The following NCALD variants were observed in gnomAD, a reference collection of about 807,000 sequenced individuals.
NCALD encodes the protein neurocalcin-delta.
Under a neutral mutation model 18.6 loss-of-function variants are expected in NCALD, and 10 were observed. The observed-to-expected ratio is 0.54, with a 90% CI of 0.33 to 0.91. The LOEUF (loss-of-function observed/expected upper bound fraction) is 0.91. NCALD is among the 40% of genes least tolerant of loss of function. NCALD has a pLI of 0.03. For missense variants in NCALD, 184 were observed against 247.6 expected, an observed-to-expected ratio of 0.74 and a Z score of 1.72; for synonymous variants, 88 against 87.4, an observed-to-expected ratio of 1.01 and a Z score of -0.04.
At chr8:101,870,358 T>C (rs576441367) in intron 4 of NCALD, among the ~76,000 whole-genome samples, 28 of 152,382 alleles carry the variant, frequency 1.8e-4, no homozygotes, top group African/African-American at 5.8e-4. Flanking sequence ...TAGGGGATTC[T>C]GTTAAAGTTT....
At chr8:101,846,631 A>G (rs1814879032) in intron 4 of NCALD, among the ~76,000 whole-genome samples, 1 of 152,158 alleles carries the variant, frequency 6.6e-6, no homozygotes, top group African/African-American at 2.4e-5. Context: ...CACTCTGGTG[A>G]TGTCGAGACA....
At chr8:101,696,889 G>T (rs1410814055) in intron 2 of NCALD, among the ~76,000 whole-genome samples, 1 of 152,032 alleles carries the variant, frequency 6.6e-6, no homozygotes, top group Non-Finnish European at 1.5e-5. Flanking sequence ...AATTAAAAGA[G>T]CTAGGGAAGC....
intron 1 of NCALD, among the ~76,000 whole-genome samples, chr8:102,101,210 C>T (rs1015862787): frequency 7.9e-5 from 12 of 152,222 alleles, no homozygotes; most frequent in African/African-American, 2.9e-4. Flanking sequence ...AGAGAACACG[C>T]ATCACTCAGC....
chr8:102,041,840 C>A (rs774471898), intron 1 of NCALD, among the ~76,000 whole-genome samples: 1 of 151,062 alleles, frequency 6.6e-6, no homozygotes, highest in Non-Finnish European at 1.5e-5. Flanking sequence ...CAGCTGCTAG[C>A]ACTCAATTAA....
At chr8:101,976,626 T>C (rs1355833563) in intron 2 of NCALD, among the ~76,000 whole-genome samples, 1 of 152,146 alleles carries the variant, frequency 6.6e-6, no homozygotes, top group East Asian at 1.9e-4. Context: ...TTTTTTATGG[T>C]TTGCCAAGTA....
intron 2 of NCALD, among the ~76,000 whole-genome samples, chr8:102,004,191 C>G (rs944312139): frequency 6.6e-6 from 1 of 151,826 alleles, no homozygotes; most frequent in African/African-American, 2.4e-5. Flanking sequence ...TCTCAGGATA[C>G]AAAATCAATG....
intron 2 of NCALD, among the ~76,000 whole-genome samples, chr8:102,005,956 C>G (rs1436526042): frequency 6.6e-6 from 1 of 151,486 alleles, no homozygotes; most frequent in Non-Finnish European, 1.5e-5. Flanking sequence ...GTGCAGCACA[C>G]CAACATGGCA....
chr8:101,709,323 T>C (rs1563679432), intron 2 of NCALD, among the ~76,000 whole-genome samples: 1 of 152,206 alleles, frequency 6.6e-6, no homozygotes, highest in Non-Finnish European at 1.5e-5. Flanking sequence ...AGACTCTATT[T>C]TCCTGCCTCA....
At chr8:101,750,635 A>C (rs966185632) in intron 1 of NCALD, 1 of 152,244 alleles carries the variant, frequency 6.6e-6, no homozygotes, top group Non-Finnish European at 1.5e-5. Flanking sequence ...AAGTTGCTTC[A>C]GTTCTAGAGA....
intron 2 of NCALD, among the ~76,000 whole-genome samples, chr8:101,946,350 G>C: frequency 6.6e-6 from 1 of 152,212 alleles, no homozygotes; most frequent in East Asian, 1.9e-4. Context: ...AATTTACAAT[G>C]TAGCCAGAGA....
intron 1 of NCALD, among the ~76,000 whole-genome samples, chr8:102,053,807 C>A (rs1823533889): frequency 6.6e-6 from 1 of 152,102 alleles, no homozygotes; most frequent in Admixed American, 6.6e-5. Flanking sequence ...AATTGATTTG[C>A]CAATTTAGAT....
At chr8:102,050,397 G>A (rs750623529) in intron 1 of NCALD, among the ~76,000 whole-genome samples, 2 of 151,004 alleles carry the variant, frequency 1.3e-5, no homozygotes, top group Admixed American at 6.6e-5. Flanking sequence ...CAGAATTAAT[G>A]TTATGTAATT....
chr8:102,079,067 C>T (rs189320262), intron 1 of NCALD, among the ~76,000 whole-genome samples: 31 of 152,260 alleles, frequency 2.0e-4, no homozygotes, highest in Admixed American at 1.3e-3. Flanking sequence ...AAAACTCCTG[C>T]CACTGGAGAC....
chr8:101,812,831 T>C lies in NCALD; in HGVS notation c.-20+74310A>G, dbSNP rs112316723. On this transcript the variant is annotated intron_variant, in intron 4 of 6. Coordinates refer to the NCALD transcript ENST00000311028. ...GATTCTCTGAGCCACCTCAGTATCA[T>C]ACCAATAATTCCTCTTTTTTCCTAA... Among the ~76,000 whole-genome samples the C allele has an allele frequency of 5.7e-3, 870 of 152,302 alleles. 11 individuals carry two copies. The highest frequency in any genetic ancestry group is 0.018 in the African/African-American group (763 of 41,562).
chr8:102,033,797 T>A (rs562424462), intron 1 of NCALD, among the ~76,000 whole-genome samples: 257 of 152,184 alleles, frequency 1.7e-3, no homozygotes, highest in African/African-American at 6.0e-3. Context: ...AAGATTTCAC[T>A]ACACCAACAA....
At chr8:102,008,917 T>TACACACACAC (rs761346653) in intron 2 of NCALD, among the ~76,000 whole-genome samples, 413 of 38,532 alleles carry the variant, frequency 0.011, 4 homozygotes, top group African/African-American at 0.021. Flanking sequence ...CCCGCCCCCC[T>TACACACACAC]ACACACACAC....
chr8:102,106,457 A>ATATG (rs1436996499), intron 1 of NCALD, among the ~76,000 whole-genome samples: 1 of 139,782 alleles, frequency 7.2e-6, no homozygotes, highest in African/African-American at 2.7e-5. Flanking sequence ...ATATATATAT[A>ATATG]TATATATATA....
At chr8:101,737,018 G>C (rs2130650697) in intron 1 of NCALD, among the ~76,000 whole-genome samples, 1 of 152,276 alleles carries the variant, frequency 6.6e-6, no homozygotes, top group South Asian at 2.1e-4. Context: ...AAGAATGTAA[G>C]AGAGGTGAGA....
At chr8:101,779,339 AAG>A (rs1269740479) in intron 1 of NCALD, among the ~76,000 whole-genome samples, 1 of 152,178 alleles carries the variant, frequency 6.6e-6, no homozygotes, top group Non-Finnish European at 1.5e-5. Context: ...TTCAATAAGA[AAG>A]AGGTTACCAT....
Sources: gnomAD v4.1 joint callset for allele counts (sites outside exome capture counted in the v4.1 genomes callset) on GRCh38, gnomAD v4.1.1 for gene constraint, MANE v1.5 for transcripts, NCBI Gene and HGNC (gene_info 2026-07-23, HGNC 2026-07-21) for gene names.